ABHD12: variants seen among roughly 807,000 people sequenced by gnomAD.
ABHD12 encodes abhydrolase domain containing 12, lysophospholipase.
In ABHD12, 43 loss-of-function variants were observed where a neutral mutation model predicts 58.3. The ratio of observed to expected loss-of-function variants is 0.74; its 90% CI spans 0.58 to 0.95. The LOEUF is 0.95. Ranked by LOEUF, ABHD12 falls within the 40% of genes least tolerant of loss-of-function variation. The pLI, the probability that ABHD12 is intolerant of heterozygous loss-of-function variation, is 0.00. For synonymous variants in ABHD12, 219 were observed against 211.2 expected (o/e 1.04, Z -0.32); for missense variants, 539 against 537.2 (o/e 1.00, Z -0.03).
At chr20:25,318,990 G>A (rs2089016147) in intron 4 of ABHD12, among the ~76,000 whole-genome samples, 1 of 152,142 alleles carries the variant, frequency 6.6e-6, no homozygotes, top group Non-Finnish European at 1.5e-5. Flanking sequence ...TTCCAGAAGG[G>A]CCCAGCACAG....
At chr20:25,330,042 T>C (rs1415488636) in intron 2 of ABHD12, among the ~76,000 whole-genome samples, 1 of 152,204 alleles carries the variant, frequency 6.6e-6, no homozygotes, top group Non-Finnish European at 1.5e-5. Flanking sequence ...TGCATTTCCA[T>C]CTGAGGTACC....
intron 5 of ABHD12, among the ~76,000 whole-genome samples, chr20:25,315,679 G>C (rs2088948155): frequency 6.6e-6 from 1 of 152,122 alleles, no homozygotes; most frequent in Non-Finnish European, 1.5e-5. Flanking sequence ...ACCTGCTCCA[G>C]CCCTGTTGAC....
downstream of ABHD12, among the ~76,000 whole-genome samples, chr20:25,298,267 T>G (rs1025033753): frequency 8.2e-6 from 1 of 121,426 alleles, no homozygotes; most frequent in Non-Finnish European, 1.8e-5. Flanking sequence ...ACGGCTAGTT[T>G]TGTTTTTTTG....
intron 1 of ABHD12, among the ~76,000 whole-genome samples, chr20:25,362,595 G>A (rs1427313624): frequency 1.4e-5 from 2 of 148,140 alleles, no homozygotes; most frequent in African/African-American, 4.9e-5. Flanking sequence ...GGGGAGGACA[G>A]GGGAGGGGAG....
At chr20:25,303,426 G>A (rs977339081) in intron 11 of ABHD12, 124 bp downstream of exon 11, 2 of 1,532,496 alleles carry the variant, frequency 1.3e-6, no homozygotes, top group Non-Finnish European at 1.7e-6. Flanking sequence ...GACGTGGCTG[G>A]TGCGCAGCCC....
In ABHD12 at chr20:25,308,514, G is replaced by C; in HGVS notation, c.750-20C>G. On this transcript the variant is annotated intron_variant, in intron 7 of 12. Transcript: ENST00000339157. The stretch of plus-strand genomic sequence containing the variant: ...GCCACGCTAGGAAAAAAGAAAAACA[G>C]CTTAGTTGAGTTATGATAAAATTGT... 6.2e-7 allele frequency: 1 copy of C among 1,603,404 alleles called. No individual in the cohort carries two copies. Among genetic ancestry groups the C allele is most frequent in the Non-Finnish European group, 8.5e-7 (1 of 1,174,404 alleles).
intron 1 of ABHD12, among the ~76,000 whole-genome samples, chr20:25,367,366 T>C (rs997593655): frequency 3.9e-5 from 6 of 152,218 alleles, no homozygotes; most frequent in African/African-American, 7.2e-5. Context: ...ATTTGCCACA[T>C]ATACTTCAGC....
At chr20:25,328,881 G>C (rs573769814) in intron 2 of ABHD12, among the ~76,000 whole-genome samples, 1 of 152,344 alleles carries the variant, frequency 6.6e-6, no homozygotes, top group East Asian at 1.9e-4. Context: ...GGGAGGCATG[G>C]AGCTTGGTTG....
chr20:25,344,937 C>T lies in ABHD12; in HGVS notation c.192-5586G>A, dbSNP rs909567121. Among the ~76,000 whole-genome samples, 8 of 151,956 alleles carry T rather than the reference C, an allele frequency of 5.3e-5. No individual in the cohort carries two copies. The East Asian group carries it at 1.3e-3, about 26-fold the overall frequency. ...AATGGTGCTGTAACAACTGTACATTCGTATGGAAAAAAATGAAAGTAGACC... is the reference window on the plus strand; with the variant it reads ...AATGGTGCTGTAACAACTGTACATTTGTATGGAAAAAAATGAAAGTAGACC... On this transcript the variant is annotated intron_variant, in intron 1 of 12. Coordinates refer to ENST00000339157, the MANE Select transcript of ABHD12 (RefSeq NM_001042472.3).
chr20:25,326,519 C>A (rs1284308166), intron 2 of ABHD12, among the ~76,000 whole-genome samples: 1 of 152,156 alleles, frequency 6.6e-6, no homozygotes, highest in Non-Finnish European at 1.5e-5. Flanking sequence ...CATGGCTGGA[C>A]TCAGCTTTTA....
downstream of ABHD12, chr20:25,296,532 G>A: frequency 6.2e-7 from 1 of 1,605,138 alleles, no homozygotes; most frequent in Middle Eastern, 1.7e-4. Flanking sequence ...GGCACACCCT[G>A]CCTTGGCGGG....
At chr20:25,322,775 T>G (rs1390146680) in intron 3 of ABHD12, among the ~76,000 whole-genome samples, 2 of 152,028 alleles carry the variant, frequency 1.3e-5, no homozygotes, top group Non-Finnish European at 2.9e-5. Flanking sequence ...CAGGCTGGAG[T>G]GCAGTGGCGT....
chr20:25,319,460 T>C (rs1280252793), intron 4 of ABHD12, among the ~76,000 whole-genome samples: 1 of 152,174 alleles, frequency 6.6e-6, no homozygotes, highest in African/African-American at 2.4e-5. Context: ...CCCCAGCACC[T>C]GGTGCTTTCA....
At chr20:25,330,285 A>G (rs928959041) in intron 2 of ABHD12, among the ~76,000 whole-genome samples, 26 of 152,256 alleles carry the variant, frequency 1.7e-4, no homozygotes, top group Admixed American at 1.7e-3. Context: ...ACAGGAGATT[A>G]TATCCCGCAC....
chr20:25,305,767 A>C (rs1358106148), intron 10 of ABHD12, among the ~76,000 whole-genome samples: 1 of 152,202 alleles, frequency 6.6e-6, no homozygotes, highest in African/African-American at 2.4e-5. Flanking sequence ...CTTAACTAGA[A>C]TACTTAACTT....
chr20:25,319,061 A>G (rs2089017831), intron 4 of ABHD12, among the ~76,000 whole-genome samples: 1 of 152,220 alleles, frequency 6.6e-6, no homozygotes, highest in Non-Finnish European at 1.5e-5. Context: ...CCCTGGTGCC[A>G]CACGGGACCT....
In ABHD12 at chr20:25,306,900, G is replaced by C. The variant is rs2088753418; in HGVS notation, c.883C>G (p.Pro295Ala). The change falls in exon 10 of 13, where the codon CCT (proline) becomes GCT (alanine). Residue 295 changes from proline to alanine, a missense_variant. Transcript: ENST00000339157. ...TCAAGGAAGAACCAGTCAAACCCAG[G>C]GAAGTATCGATATATCTGGAGACAA... ...HPFSVIYRYF[P>A]GFDWFFLDPI... 1 of 1,611,574 alleles carries C rather than the reference G, an allele frequency of 6.2e-7. No individual in the cohort carries two copies. The highest frequency in any genetic ancestry group is 8.5e-7 in the Non-Finnish European group (1 of 1,178,178).
intron 1 of ABHD12, among the ~76,000 whole-genome samples, chr20:25,361,333 T>C (rs1406379309): frequency 6.6e-6 from 1 of 152,234 alleles, no homozygotes; most frequent in East Asian, 1.9e-4. Flanking sequence ...AACTGTATCT[T>C]TCCACTTAAA....
intron 2 of ABHD12, among the ~76,000 whole-genome samples, chr20:25,334,133 CA>C: frequency 6.6e-6 from 1 of 151,016 alleles, no homozygotes; most frequent in African/African-American, 2.4e-5. Context: ...AATCAATGTA[CA>C]AAAATCACAA....
Sources: gnomAD v4.1 joint callset for allele counts (sites outside exome capture counted in the v4.1 genomes callset) on GRCh38, gnomAD v4.1.1 for gene constraint, MANE v1.5 for transcripts, NCBI Gene and HGNC (gene_info 2026-07-23, HGNC 2026-07-21) for gene names.